The following ZSCAN25 variants were observed in gnomAD, a reference collection of about 807,000 sequenced individuals.
The protein encoded by ZSCAN25 is zinc finger and SCAN domain-containing protein 25.
A neutral mutation model predicts 38.7 loss-of-function variants in ZSCAN25; 27 were observed. That is an observed-to-expected ratio of 0.70 (90% CI 0.51 to 0.96). The LOEUF is 0.96. ZSCAN25 is among the 40% of genes least tolerant of loss of function. The pLI is 0.00. For synonymous variants in ZSCAN25, 273 were observed against 277.7 expected (o/e 0.98, Z 0.17); for missense variants, 637 against 705.9 (o/e 0.90, Z 1.11).
chr7:99,682,499 C>A, the ZSCAN25 span, among the ~76,000 whole-genome samples: 1 of 152,184 alleles, frequency 6.6e-6, no homozygotes, highest in Non-Finnish European at 1.5e-5. Flanking sequence ...TGTTTTTATA[C>A]AAGTACCATA....
At chr7:99,714,921 A>T in the ZSCAN25 span, among the ~76,000 whole-genome samples, 1 of 152,186 alleles carries the variant, frequency 6.6e-6, no homozygotes, top group Non-Finnish European at 1.5e-5. Context: ...CATCTTTTGA[A>T]TGATGAAAGG....
chr7:99,702,149 G>A, the ZSCAN25 span, among the ~76,000 whole-genome samples: 1 of 150,490 alleles, frequency 6.6e-6, no homozygotes, highest in Non-Finnish European at 1.5e-5. Flanking sequence ...GCATGCATTG[G>A]TATGATCTTG....
chr7:99,636,786 A>G (rs1808301902), downstream of ZSCAN25, among the ~76,000 whole-genome samples: 1 of 152,248 alleles, frequency 6.6e-6, no homozygotes, highest in Non-Finnish European at 1.5e-5. Context: ...GGTCCTAGCC[A>G]GCTAACCAAG....
chr7:99,714,727 T>C, the ZSCAN25 span: 140 of 1,595,028 alleles, frequency 8.8e-5, no homozygotes, highest in Admixed American at 4.4e-4. Flanking sequence ...ATTGTGAACA[T>C]ACAAAATTTA....
At chr7:99,651,644 A>G in the ZSCAN25 span, among the ~76,000 whole-genome samples, 1 of 152,212 alleles carries the variant, frequency 6.6e-6, no homozygotes, top group African/African-American at 2.4e-5. Context: ...GGTAGGGGCT[A>G]ATGAAAGTCT....
chr7:99,685,170 C>T, the ZSCAN25 span: 7 of 1,612,248 alleles, frequency 4.3e-6, no homozygotes, highest in Non-Finnish European at 5.9e-6. Context: ...CATCCCTTGA[C>T]TCAACCTTTA....
At chr7:99,663,264 T>C in the ZSCAN25 span, 2 of 1,012,654 alleles carry the variant, frequency 2.0e-6, no homozygotes, top group South Asian at 4.0e-5. Flanking sequence ...AGTGTCCGTA[T>C]AGATTAATCT....
At chr7:99,688,797 C>T in the ZSCAN25 span, among the ~76,000 whole-genome samples, 1 of 152,142 alleles carries the variant, frequency 6.6e-6, no homozygotes, top group African/African-American at 2.4e-5. Context: ...TGTAAAAGAA[C>T]AGAAATTATA....
At chr7:99,685,915 C>A in the ZSCAN25 span, among the ~76,000 whole-genome samples, 1 of 152,176 alleles carries the variant, frequency 6.6e-6, no homozygotes, top group Non-Finnish European at 1.5e-5. Context: ...CCTTAGGTGA[C>A]CTTTTATCAC....
At position 99,619,788 on chromosome 7, in the gene ZSCAN25, G is replaced by GGGAGCTCCA. The variant is rs777396440; in HGVS notation, c.190_198dup (p.Gln64_Leu66dup). ...GCAGCTGGACCCCAGGAAGCTCTTA[G>GGGAGCTCCA]GGAGCTCCAGGAGCTCTGTCGTCGG... On this transcript the variant is annotated inframe_insertion, in exon 4 of 8. Coordinates refer to ENST00000394152, the MANE Select transcript of ZSCAN25 (RefSeq NM_145115.3). 1.9e-6 allele frequency: 3 copies of GGGAGCTCCA among 1,614,254 alleles called. No individual in the cohort carries two copies. The highest frequency in any genetic ancestry group is 2.5e-6 in the Non-Finnish European group (3 of 1,180,042).
At chr7:99,638,697 C>T in the ZSCAN25 span, 8 of 1,404,782 alleles carry the variant, frequency 5.7e-6, no homozygotes, top group East Asian at 4.6e-5. Flanking sequence ...TCTTGCCGGC[C>T]GCATCCAGGC....
At chr7:99,708,910 A>C in the ZSCAN25 span, 7 of 1,168,800 alleles carry the variant, frequency 6.0e-6, no homozygotes, top group Non-Finnish European at 7.5e-6. Flanking sequence ...TCATGATTTG[A>C]AAAAACCTTT....
downstream of ZSCAN25, among the ~76,000 whole-genome samples, chr7:99,635,130 T>C (rs1808219445): frequency 1.3e-5 from 2 of 151,106 alleles, no homozygotes; most frequent in Admixed American, 6.6e-5. Flanking sequence ...CAGATAATTC[T>C]CTGTTGGCAG....
At chr7:99,666,841 G>A in the ZSCAN25 span, 1 of 1,576,050 alleles carries the variant, frequency 6.3e-7, no homozygotes, top group Non-Finnish European at 8.6e-7. Flanking sequence ...CCATTTTTAG[G>A]AAGCTCGAAC....
rs1335240704 is a variant in ZSCAN25, at chr7:99,631,559, A to G, written c.*1539A>G. The G allele has an allele frequency of 5.1e-6, 5 of 985,206 alleles. No individual in the cohort carries two copies. The East Asian group carries it at 4.5e-4, about 89-fold the overall frequency. 61.0% of individuals were successfully genotyped at this position (985,206 alleles called of 1,614,324 possible). A position where few individuals can be genotyped will look rare whatever the true frequency, so the allele number is the denominator to read the frequency against. On this transcript the variant is annotated 3_prime_UTR_variant, in exon 8 of 8. Transcript: ENST00000394152. Reference sequence around the variant, plus strand: ...GTTTGTCCTTTGTTGATAGTGTCCTATAATTGCAAAATGTGGTTTGTCTTC... The same window carrying G: ...GTTTGTCCTTTGTTGATAGTGTCCTGTAATTGCAAAATGTGGTTTGTCTTC...
At chr7:99,648,127 G>A in the ZSCAN25 span, 99 of 1,315,456 alleles carry the variant, frequency 7.5e-5, no homozygotes, top group Non-Finnish European at 9.5e-5. Flanking sequence ...ACTACATAAT[G>A]CACAACACTC....
Position 99,631,659 on chromosome 7 carries a change from A to G in ZSCAN25, c.*1639A>G, listed in dbSNP as rs1416100992. 2 of 985,160 alleles carry G rather than the reference A, an allele frequency of 2.0e-6. No homozygotes were observed. Among genetic ancestry groups the G allele is most frequent in the African/African-American group, 3.5e-5 (2 of 57,164 alleles). The allele number at this position is 985,160 out of a possible 1,614,324, so 61.0% of individuals were successfully genotyped here. ...TTCCATTGTAAATAAGGTAAATGGT[A>G]ATGACTAACACAAAGCTGTATTACT... is the stretch of plus-strand genomic sequence containing the variant. On this transcript the variant is annotated 3_prime_UTR_variant, in exon 8 of 8. Transcript: ENST00000394152.
chr7:99,735,726 C>T, the ZSCAN25 span, among the ~76,000 whole-genome samples: 1 of 152,232 alleles, frequency 6.6e-6, no homozygotes, highest in African/African-American at 2.4e-5. Flanking sequence ...CTTCTTTCCT[C>T]TTTACCACCA....
chr7:99,652,850 T>A, the ZSCAN25 span: 1 of 1,143,026 alleles, frequency 8.7e-7, no homozygotes, highest in Non-Finnish European at 1.3e-6. Flanking sequence ...CATGCAGTAC[T>A]ATTGAAGTAT....
Sources: allele counts gnomAD v4.1 joint callset (sites outside exome capture counted in the v4.1 genomes callset), GRCh38; gene constraint gnomAD v4.1.1; transcripts MANE v1.5; gene names NCBI Gene and HGNC (gene_info 2026-07-23, HGNC 2026-07-21).